EYA1: variants seen among roughly 807,000 people sequenced by gnomAD.
EYA1 encodes the protein protein phosphatase EYA1.
Under a neutral mutation model 82.0 loss-of-function variants are expected in EYA1, and 16 were observed. That is an observed-to-expected ratio of 0.20 (90% CI 0.13 to 0.30). The LOEUF (loss-of-function observed/expected upper bound fraction) is 0.30, where lower values mean the gene tolerates loss of function less well. Ranked by LOEUF, EYA1 falls within the 10% of genes least tolerant of loss-of-function variation. The pLI is 1.00. For missense variants in EYA1, 633 were observed against 730.7 expected (o/e 0.87, Z 1.54); for synonymous variants, 261 against 264.4 (o/e 0.99, Z 0.12).
intron 2 of EYA1, among the ~76,000 whole-genome samples, chr8:71,443,241 G>GA (rs1806567130): frequency 6.6e-6 from 1 of 152,228 alleles, no homozygotes; most frequent in East Asian, 1.9e-4. Flanking sequence ...TGTCTAGCTG[G>GA]AAAAAAATCT....
At chr8:71,523,430 G>A (rs990202972) in intron 2 of EYA1, among the ~76,000 whole-genome samples, 10 of 151,852 alleles carry the variant, frequency 6.6e-5, no homozygotes, top group East Asian at 1.9e-4. Context: ...CACCCGCCTC[G>A]GCCTCCCAAA....
Position 71,197,638 on chromosome 8 carries a change from A to AT in EYA1, c.*1701dup, listed in dbSNP as rs1806402903. On this transcript the variant is annotated 3_prime_UTR_variant, in exon 18 of 18. Transcript: ENST00000340726. ...TCAAGCAAAAAGGAAGAAAAAACTA[A>AT]TTCAATTGTGAATTTAAACAATTTG... The AT allele has an allele frequency of 6.5e-6, 1 of 152,682 alleles. No homozygotes were observed. Among genetic ancestry groups the AT allele is most frequent in the South Asian group, 2.1e-4 (1 of 4,834 alleles). The allele number at this position is 152,682 out of a possible 1,614,324, so 9.5% of individuals were successfully genotyped here.
intron 11 of EYA1, among the ~76,000 whole-genome samples, chr8:71,247,174 A>G (rs1181872754): frequency 6.6e-6 from 1 of 151,458 alleles, no homozygotes; most frequent in East Asian, 1.9e-4. Context: ...CCCTTCCAGC[A>G]CTACCCACAT....
At chr8:71,223,580 G>C (rs977462798) in intron 12 of EYA1, among the ~76,000 whole-genome samples, 1 of 152,192 alleles carries the variant, frequency 6.6e-6, no homozygotes, top group African/African-American at 2.4e-5. Flanking sequence ...TAGGTATAGG[G>C]AGTGGGCAGA....
intron 2 of EYA1, among the ~76,000 whole-genome samples, chr8:71,476,981 T>A (rs965756183): frequency 1.3e-5 from 2 of 152,044 alleles, no homozygotes; most frequent in East Asian, 3.9e-4. Context: ...AGGGAAAGAA[T>A]AGTCTTTTCA....
At chr8:71,500,012 A>G (rs1452339234) in intron 2 of EYA1, among the ~76,000 whole-genome samples, 1 of 152,216 alleles carries the variant, frequency 6.6e-6, no homozygotes, top group Admixed American at 6.5e-5. Context: ...GGATAGTAAA[A>G]GACTGTCAGG....
At chr8:71,233,346 C>G (rs370217185) in intron 12 of EYA1, among the ~76,000 whole-genome samples, 2 of 151,978 alleles carry the variant, frequency 1.3e-5, no homozygotes, top group African/African-American at 4.8e-5. Context: ...GGGCAGATCA[C>G]GAGGTCAGGA....
chr8:71,240,999 G>A (rs1446425727), intron 12 of EYA1, among the ~76,000 whole-genome samples: 2 of 152,252 alleles, frequency 1.3e-5, no homozygotes, highest in Middle Eastern at 3.4e-3. Context: ...AGGCATCATC[G>A]TATTGCACAT....
intron 2 of EYA1, among the ~76,000 whole-genome samples, chr8:71,393,888 G>A (rs1829427881): frequency 6.6e-6 from 1 of 152,184 alleles, no homozygotes; most frequent in African/African-American, 2.4e-5. Flanking sequence ...CACAATGGTT[G>A]AACCAGTTTA....
chr8:71,449,483 T>C (rs1202734927), intron 2 of EYA1, among the ~76,000 whole-genome samples: 1 of 152,216 alleles, frequency 6.6e-6, no homozygotes, highest in East Asian at 1.9e-4. Flanking sequence ...GAATCTTTTT[T>C]CCTGAGCAGT....
At chr8:71,504,348 A>T (rs1812033411) in intron 2 of EYA1, among the ~76,000 whole-genome samples, 1 of 152,244 alleles carries the variant, frequency 6.6e-6, no homozygotes. Context: ...ATTTTAAAAT[A>T]TGCATAATAG....
chr8:71,491,342 C>T (rs906074468), intron 2 of EYA1, among the ~76,000 whole-genome samples: 2 of 152,162 alleles, frequency 1.3e-5, no homozygotes, highest in Admixed American at 1.3e-4. Context: ...GAAACAGGAA[C>T]TCCTCATTCT....
intron 2 of EYA1, among the ~76,000 whole-genome samples, chr8:71,469,789 G>C (rs1809048361): frequency 2.0e-5 from 3 of 151,926 alleles, no homozygotes; most frequent in Admixed American, 2.0e-4. Flanking sequence ...GGCCATAACT[G>C]ACTGGTCTAA....
intron 2 of EYA1, among the ~76,000 whole-genome samples, chr8:71,374,010 G>T (rs1828226791): frequency 1.3e-5 from 2 of 152,100 alleles, no homozygotes; most frequent in South Asian, 4.1e-4. Context: ...AGATCTAAAT[G>T]TAAGACTTGA....
rs929761006 is a variant in EYA1, at chr8:71,305,381, A to G, written c.557-5661T>C. Among the ~76,000 whole-genome samples, 8 of 142,582 alleles carry G rather than the reference A, an allele frequency of 5.6e-5. 1 individual carries two copies. Among genetic ancestry groups the G allele is most frequent in the African/African-American group, 2.0e-4 (8 of 40,310 alleles). The allele number at this position is 142,582 out of a possible 152,430, so 93.5% of individuals were successfully genotyped here. A position where few individuals can be genotyped will look rare whatever the true frequency, so the allele number is the denominator to read the frequency against. ...AGAGATTGCTTCATGTGAAACTTCA[A>G]TAATTCTCAATAGAGTTTGGGGTGG... On this transcript the variant is annotated intron_variant, in intron 7 of 17. Coordinates refer to ENST00000340726, the MANE Select transcript of EYA1 (RefSeq NM_000503.6).
intron 11 of EYA1, among the ~76,000 whole-genome samples, chr8:71,250,982 T>C (rs1348604786): frequency 6.6e-6 from 1 of 152,212 alleles, no homozygotes; most frequent in East Asian, 1.9e-4. Flanking sequence ...GGCACTTGAA[T>C]CTGAAAATCT....
chr8:71,238,494 C>A (rs1812107335), intron 12 of EYA1, among the ~76,000 whole-genome samples: 2 of 152,168 alleles, frequency 1.3e-5, no homozygotes, highest in African/African-American at 2.4e-5. Flanking sequence ...TCCTTTATAT[C>A]TCTCAGTAAG....
In EYA1 at chr8:71,289,019, C is replaced by T. The variant is rs1201454172; in HGVS notation, c.826+10028G>A. On this transcript the variant is annotated intron_variant, in intron 9 of 17. Transcript: ENST00000340726. ...TAGCTTCCCTTTTCCTTGATAGAAT[C>T]GTCACCATTCCTACACCTAGTGTTC... 3.3e-5 allele frequency among the ~76,000 whole-genome samples: 5 copies of T among 152,158 alleles called. No homozygotes were observed. The East Asian group carries it at 7.7e-4, about 23-fold the overall frequency.
Position 71,322,355 on chromosome 8 carries a change from T to C in EYA1, c.203-87A>G, listed in dbSNP as rs1822670507. ...GAAAGCACTGACATATTTTCAACTA[T>C]AGGTTGGCCATATGAAATTTCAGAT... On this transcript the variant is annotated intron_variant, in intron 4 of 17. Coordinates refer to ENST00000340726, the MANE Select transcript of EYA1 (RefSeq NM_000503.6). 2.0e-5 allele frequency: 23 copies of C among 1,174,082 alleles called. No homozygotes were observed. In the South Asian group the frequency reaches 2.2e-4, roughly 11 times the overall value. 72.7% of individuals were successfully genotyped at this position (1,174,082 alleles called of 1,614,324 possible).
Sources: allele counts gnomAD v4.1 joint callset (sites outside exome capture counted in the v4.1 genomes callset), GRCh38; gene constraint gnomAD v4.1.1; transcripts MANE v1.5; gene names NCBI Gene and HGNC (gene_info 2026-07-23, HGNC 2026-07-21).